The following CALCR variants were observed in gnomAD, a reference collection of about 807,000 sequenced individuals.
CALCR encodes the protein calcitonin receptor.
In CALCR, 47 loss-of-function variants were observed where a neutral mutation model predicts 59.5. The observed-to-expected ratio is 0.79, with a 90% CI of 0.63 to 1.01. CALCR has a LOEUF of 1.01. Among genes scored for constraint, CALCR ranks in the 50% least tolerant of loss-of-function variants. The pLI is 0.00. For missense variants in CALCR, 566 were observed against 597.1 expected (o/e 0.95, Z 0.54); for synonymous variants, 213 against 211.3 (o/e 1.01, Z -0.07).
chr7:93,569,077 G>A (rs905444645), intron 2 of CALCR, among the ~76,000 whole-genome samples: 19 of 150,508 alleles, frequency 1.3e-4, no homozygotes, highest in Admixed American at 9.3e-4. Context: ...AAATAATTTC[G>A]TTTTTTTTTC....
chr7:93,452,839 AC>A (rs199590686), intron 8 of CALCR, among the ~76,000 whole-genome samples: 11,939 of 151,932 alleles, frequency 0.079, 1,064 homozygotes, highest in East Asian at 0.28. Flanking sequence ...AAACAAAACA[AC>A]AACAACAACA....
intron 2 of CALCR, among the ~76,000 whole-genome samples, chr7:93,571,921 T>G (rs1790013859): frequency 6.6e-6 from 1 of 152,174 alleles, no homozygotes; most frequent in Non-Finnish European, 1.5e-5. Flanking sequence ...TTCCTCTTTC[T>G]CCTCTTTCAA....
intron 2 of CALCR, among the ~76,000 whole-genome samples, chr7:93,556,920 G>A (rs1353654633): frequency 2.0e-5 from 3 of 152,002 alleles, no homozygotes; most frequent in Non-Finnish European, 4.4e-5. Context: ...TAGAAAATAT[G>A]TAGAAATGCT....
chr7:93,474,369 C>T (rs570762993), intron 5 of CALCR, among the ~76,000 whole-genome samples: 8 of 151,628 alleles, frequency 5.3e-5, no homozygotes, highest in Non-Finnish European at 1.2e-4. Flanking sequence ...AAAAAAACCT[C>T]GCTTTTGTAT....
At chr7:93,512,377 T>C (rs2116050321) in intron 2 of CALCR, among the ~76,000 whole-genome samples, 1 of 152,294 alleles carries the variant, frequency 6.6e-6, no homozygotes, top group South Asian at 2.1e-4. Flanking sequence ...AGGTGGAATC[T>C]AAATTCAAAC....
At chr7:93,451,816 A>G (rs1283746031) in intron 8 of CALCR, among the ~76,000 whole-genome samples, 1 of 152,018 alleles carries the variant, frequency 6.6e-6, no homozygotes. Flanking sequence ...AGATACATAT[A>G]CACCATGGAA....
chr7:93,554,824 A>G (rs565697548), intron 2 of CALCR, among the ~76,000 whole-genome samples: 1 of 142,878 alleles, frequency 7.0e-6, no homozygotes, highest in South Asian at 2.2e-4. Flanking sequence ...AAAGTACACA[A>G]TATCACTATT....
chr7:93,517,407 T>C lies in CALCR; in HGVS notation c.-26-30400A>G, dbSNP rs146489272. ...TTTAGATGATATTAATAATGCTCCT[T>C]CACATAGTTGGAAAGATTAAATAAT... On this transcript the variant is annotated intron_variant, in intron 2 of 13. Transcript: ENST00000426151. Among the ~76,000 whole-genome samples the C allele has an allele frequency of 6.3e-3, 961 of 151,852 alleles. 6 individuals are homozygous for C. The highest frequency in any genetic ancestry group is 9.2e-3 in the Non-Finnish European group (623 of 67,830).
At chr7:93,486,149 T>C (rs1007282439) in intron 3 of CALCR, among the ~76,000 whole-genome samples, 1 of 151,440 alleles carries the variant, frequency 6.6e-6, no homozygotes, top group Non-Finnish European at 1.5e-5. Context: ...TATTAGCAAA[T>C]GTTACTCTGA....
intron 2 of CALCR, among the ~76,000 whole-genome samples, chr7:93,558,720 T>C (rs1789668717): frequency 6.6e-6 from 1 of 152,100 alleles, no homozygotes; most frequent in Admixed American, 6.6e-5. Flanking sequence ...ATTAGAAACA[T>C]GGGTAGTGAT....
intron 11 of CALCR, among the ~76,000 whole-genome samples, chr7:93,437,100 CA>C (rs1799797577): frequency 6.6e-6 from 1 of 151,698 alleles, no homozygotes; most frequent in Non-Finnish European, 1.5e-5. Flanking sequence ...CCAAATATAT[CA>C]ATTTCTGTTA....
chr7:93,547,265 A>G (rs1467853888), intron 2 of CALCR, among the ~76,000 whole-genome samples: 3 of 152,190 alleles, frequency 2.0e-5, no homozygotes, highest in Admixed American at 6.6e-5. Flanking sequence ...TTTATAGTTT[A>G]TGTTATACAT....
chr7:93,444,028 G>A (rs1799963633), intron 8 of CALCR, among the ~76,000 whole-genome samples: 1 of 152,088 alleles, frequency 6.6e-6, no homozygotes, highest in Non-Finnish European at 1.5e-5. Context: ...ACACAGATGG[G>A]TTCATTTTCC....
At chr7:93,457,469 C>T (rs1800231225) in intron 8 of CALCR, among the ~76,000 whole-genome samples, 1 of 152,122 alleles carries the variant, frequency 6.6e-6, no homozygotes, top group Non-Finnish European at 1.5e-5. Flanking sequence ...TTTACATTTA[C>T]AGATGGGAGA....
chr7:93,444,400 T>C (rs1799971721), intron 8 of CALCR, among the ~76,000 whole-genome samples: 1 of 152,114 alleles, frequency 6.6e-6, no homozygotes, highest in African/African-American at 2.4e-5. Flanking sequence ...GTCAGATTAA[T>C]ATTGTTGTCT....
chr7:93,525,276 C>A (rs1310546163), intron 2 of CALCR, among the ~76,000 whole-genome samples: 1 of 152,148 alleles, frequency 6.6e-6, no homozygotes, highest in East Asian at 1.9e-4. Flanking sequence ...CCTTTTAATA[C>A]TAGCTCCCTG....
chr7:93,515,148 T>C (rs2116061535), intron 2 of CALCR, among the ~76,000 whole-genome samples: 1 of 152,192 alleles, frequency 6.6e-6, no homozygotes, highest in Non-Finnish European at 1.5e-5. Flanking sequence ...GATCAATTCA[T>C]GATTCTTATA....
chr7:93,492,820 G>A (rs553631536), intron 2 of CALCR, among the ~76,000 whole-genome samples: 21 of 151,386 alleles, frequency 1.4e-4, no homozygotes, highest in African/African-American at 4.6e-4. Flanking sequence ...ATTATATTTT[G>A]AGATAAAATT....
chr7:93,516,247 T>G (rs771842712), intron 2 of CALCR, among the ~76,000 whole-genome samples: 8 of 151,980 alleles, frequency 5.3e-5, no homozygotes, highest in Non-Finnish European at 1.2e-4. Context: ...ATATTTGGCA[T>G]AAGTAGATGG....
Sources: gnomAD v4.1 joint callset for allele counts (sites outside exome capture counted in the v4.1 genomes callset) on GRCh38, gnomAD v4.1.1 for gene constraint, MANE v1.5 for transcripts, NCBI Gene and HGNC (gene_info 2026-07-23, HGNC 2026-07-21) for gene names.